TRPC4: variants seen among roughly 807,000 people sequenced by gnomAD.
TRPC4 encodes transient receptor potential cation channel subfamily C member 4, also known as short transient receptor potential channel 4.
In TRPC4, 49 loss-of-function variants were observed where a neutral mutation model predicts 99.4. The ratio of observed to expected loss-of-function variants is 0.49; its 90% confidence interval spans 0.39 to 0.63. TRPC4 has a LOEUF of 0.63. Among genes scored for constraint, TRPC4 ranks in the 20% least tolerant of loss-of-function variants. The probability of loss-of-function intolerance (pLI) is 0.00; values close to 1 mark genes in which losing one functional copy is unlikely to be tolerated. For missense variants in TRPC4, 898 were observed against 1,152.9 expected (o/e 0.78, Z 3.20); for synonymous variants, 454 against 425.9 (o/e 1.07, Z -0.81).
chr13:37,639,735 C>A (rs192809897), intron 8 of TRPC4, among the ~76,000 whole-genome samples: 147 of 130,800 alleles, frequency 1.1e-3, no homozygotes, highest in African/African-American at 4.8e-3. Context: ...AGTCACTGAA[C>A]TCTCCAATCA....
At chr13:37,842,052 T>G (rs2139641685) in intron 1 of TRPC4, among the ~76,000 whole-genome samples, 1 of 151,962 alleles carries the variant, frequency 6.6e-6, no homozygotes, top group Non-Finnish European at 1.5e-5. Context: ...GGTGGATCAC[T>G]TGAGGTCAGG....
intron 3 of TRPC4, among the ~76,000 whole-genome samples, chr13:37,731,802 A>C (rs550373589): frequency 1.3e-5 from 2 of 152,248 alleles, no homozygotes; most frequent in East Asian, 3.9e-4. Flanking sequence ...TTGCCTAAAT[A>C]TTATCGAAGT....
chr13:37,818,214 G>C (rs1252241744), intron 1 of TRPC4, among the ~76,000 whole-genome samples: 1 of 151,228 alleles, frequency 6.6e-6, no homozygotes. Context: ...GATGTAAACA[G>C]GCACTTTAAA....
chr13:37,649,678 G>A (rs1462842284), intron 8 of TRPC4, among the ~76,000 whole-genome samples: 2 of 129,208 alleles, frequency 1.5e-5, no homozygotes, highest in Non-Finnish European at 3.1e-5. Context: ...AGCTTGCAGA[G>A]TCGCGATCAT....
chr13:37,809,081 T>A (rs928042555), intron 1 of TRPC4, among the ~76,000 whole-genome samples: 4 of 152,052 alleles, frequency 2.6e-5, no homozygotes, highest in African/African-American at 9.7e-5. Context: ...ATAATAGGAA[T>A]CTTTGGCAAA....
intron 1 of TRPC4, among the ~76,000 whole-genome samples, chr13:37,828,768 T>C (rs964085348): frequency 6.6e-6 from 1 of 152,042 alleles, no homozygotes; most frequent in African/African-American, 2.4e-5. Context: ...CCCTTGTAAG[T>C]GGGAGCTAAG....
At chr13:37,804,961 T>G (rs1376669153) in intron 1 of TRPC4, among the ~76,000 whole-genome samples, 3 of 150,248 alleles carry the variant, frequency 2.0e-5, no homozygotes, top group Non-Finnish European at 1.5e-5. Context: ...TATCTAATAC[T>G]TAATTAACAA....
chr13:37,736,183 T>G (rs755136266), intron 3 of TRPC4, among the ~76,000 whole-genome samples: 5 of 152,120 alleles, frequency 3.3e-5, no homozygotes, highest in Non-Finnish European at 5.9e-5. Context: ...GCTTCTGCCA[T>G]TACAGAGTGG....
chr13:37,835,646 A>C (rs1958545310), intron 1 of TRPC4, among the ~76,000 whole-genome samples: 1 of 152,222 alleles, frequency 6.6e-6, no homozygotes, highest in Admixed American at 6.5e-5. Context: ...ACAGTGACAA[A>C]GAAAGATAAA....
chr13:37,797,460 T>C (rs1957287955), intron 1 of TRPC4, among the ~76,000 whole-genome samples: 1 of 152,150 alleles, frequency 6.6e-6, no homozygotes, highest in South Asian at 2.1e-4. Flanking sequence ...CTCACTCCCT[T>C]TGCTGTTCTC....
At chr13:37,683,695 T>C (rs1953342473) in intron 4 of TRPC4, among the ~76,000 whole-genome samples, 1 of 152,026 alleles carries the variant, frequency 6.6e-6, no homozygotes, top group Non-Finnish European at 1.5e-5. Context: ...GTCAGGACAT[T>C]TAGCTTCTCC....
rs777851874 is a variant in TRPC4, at chr13:37,634,048, C to T, written c.*2855G>A. Among the ~76,000 whole-genome samples, 19 of 152,008 alleles carry T rather than the reference C, an allele frequency of 1.2e-4. No homozygotes were observed. Among genetic ancestry groups the T allele is most frequent in the Non-Finnish European group, 2.2e-4 (15 of 67,976 alleles). On this transcript the variant is annotated 3_prime_UTR_variant, in exon 11 of 11. Coordinates refer to ENST00000379705, the MANE Select transcript of TRPC4 (RefSeq NM_016179.4). ...ATTAAACTGAATTTTCAACACACTC[C>T]TTCACCTAACTCAGACACAAAATTT...
intron 4 of TRPC4, among the ~76,000 whole-genome samples, chr13:37,680,353 T>C (rs904533226): frequency 1.3e-5 from 2 of 152,204 alleles, no homozygotes; most frequent in African/African-American, 4.8e-5. Context: ...CTACGTTAGG[T>C]GATCAAGCGG....
At chr13:37,695,862 C>A (rs928744755) in intron 3 of TRPC4, among the ~76,000 whole-genome samples, 1 of 151,990 alleles carries the variant, frequency 6.6e-6, no homozygotes, top group African/African-American at 2.4e-5. Context: ...ATTAACTACT[C>A]GAAACATGAA....
chr13:37,743,351 T>C (rs1192467701), intron 3 of TRPC4, among the ~76,000 whole-genome samples: 1 of 152,188 alleles, frequency 6.6e-6, no homozygotes, highest in African/African-American at 2.4e-5. Flanking sequence ...TGTTGGAAAT[T>C]ATTAAATGCC....
At chr13:37,681,446 T>C (rs1482120148) in intron 4 of TRPC4, among the ~76,000 whole-genome samples, 1 of 152,192 alleles carries the variant, frequency 6.6e-6, no homozygotes, top group African/African-American at 2.4e-5. Context: ...TGTGGTAATG[T>C]GTTGGTATCT....
At chr13:37,651,893 A>G (rs991073856) in intron 7 of TRPC4, among the ~76,000 whole-genome samples, 1 of 152,194 alleles carries the variant, frequency 6.6e-6, no homozygotes, top group Non-Finnish European at 1.5e-5. Flanking sequence ...CTTAGCCTTC[A>G]ATGTTGCCAG....
At chr13:37,780,033 C>A (rs914721211) in intron 2 of TRPC4, among the ~76,000 whole-genome samples, 1 of 151,966 alleles carries the variant, frequency 6.6e-6, no homozygotes, top group Non-Finnish European at 1.5e-5. Context: ...CACAATCGGA[C>A]CTTAGGACTC....
At position 37,864,798 on chromosome 13, in the gene TRPC4, A is replaced by AAACTAGGCACT. The variant is rs542389549; in HGVS notation, c.-28+4786_-28+4796dup. Reference sequence around the variant, plus strand: ...GGTCATATTGGATTTAACTAGGCACAAACTAGGCACTAACTAGGCACTAAC... The same window carrying AAACTAGGCACT: ...GGTCATATTGGATTTAACTAGGCACAAACTAGGCACTAACTAGGCACTAACTAGGCACTAAC... On this transcript the variant is annotated intron_variant, in intron 1 of 10. Transcript: ENST00000379705. 4.2e-3 allele frequency among the ~76,000 whole-genome samples: 632 copies of AAACTAGGCACT among 151,828 alleles called. 1 individual carries two copies. The highest frequency in any genetic ancestry group is 6.9e-3 in the Non-Finnish European group (468 of 67,640).
Sources: allele counts gnomAD v4.1 joint callset (sites outside exome capture counted in the v4.1 genomes callset), GRCh38; gene constraint gnomAD v4.1.1; transcripts MANE v1.5; gene names NCBI Gene and HGNC (gene_info 2026-07-23, HGNC 2026-07-21).